The following FRYL variants were observed in gnomAD, a reference collection of about 807,000 sequenced individuals.
The protein encoded by FRYL is FRY like transcription coactivator.
In FRYL, 150 loss-of-function variants were observed where a neutral mutation model predicts 351.2. That is an observed-to-expected ratio of 0.43 (90% CI 0.37 to 0.49). FRYL has a LOEUF of 0.49. FRYL is among the 20% of genes least tolerant of loss of function. FRYL has a pLI of 0.00. For missense variants in FRYL, 3,036 were observed against 3,619.3 expected (o/e 0.84, Z 4.13); for synonymous variants, 1,153 against 1,257.1 (o/e 0.92, Z 1.75).
chr4:48,578,901 A>G, intron 23 of FRYL, 72 bp downstream of exon 23: 2 of 1,359,174 alleles, frequency 1.5e-6, no homozygotes, highest in Non-Finnish European at 2.0e-6. Context: ...ATACTTTTGA[A>G]TTTTTCAAAT....
Position 48,563,883 on chromosome 4 carries a change from C to A in FRYL, c.3596+65G>T, listed in dbSNP as rs970639173. 1.4e-5 allele frequency: 22 copies of A among 1,541,100 alleles called. No individual in the cohort carries two copies. In the Admixed American group the frequency reaches 4.0e-4, roughly 28 times the overall value. On this transcript the variant is annotated intron_variant, in intron 31 of 63. Transcript: ENST00000358350. ...ACTGGTGTCTTCCTATTTTTGAATT[C>A]AAAAGAAAAACTTTTCTTTAAGAAA...
At chr4:48,726,215 C>G (rs879866656) in intron 1 of FRYL, among the ~76,000 whole-genome samples, 1 of 152,146 alleles carries the variant, frequency 6.6e-6, no homozygotes, top group African/African-American at 2.4e-5. Flanking sequence ...CAAGAAAACA[C>G]GAAGCAAGTA....
intron 3 of FRYL, among the ~76,000 whole-genome samples, chr4:48,674,587 A>T (rs545891225): frequency 1.3e-5 from 2 of 151,944 alleles, no homozygotes; most frequent in South Asian, 4.2e-4. Flanking sequence ...AATACAAAAA[A>T]TTAGCCGGGC....
At chr4:48,529,258 T>C (rs541810422) in intron 50 of FRYL, among the ~76,000 whole-genome samples, 2 of 152,322 alleles carry the variant, frequency 1.3e-5, no homozygotes, top group South Asian at 4.1e-4. Flanking sequence ...CTTACCATGC[T>C]GACTGTAAAC....
At chr4:48,639,858 T>C (rs1754988949) in intron 3 of FRYL, among the ~76,000 whole-genome samples, 1 of 152,096 alleles carries the variant, frequency 6.6e-6, no homozygotes, top group Admixed American at 6.6e-5. Flanking sequence ...CCAGATTTAA[T>C]ACACCTTACC....
intron 24 of FRYL, 65 bp downstream of exon 24, chr4:48,575,965 T>A: frequency 1.5e-6 from 2 of 1,327,846 alleles, no homozygotes; most frequent in South Asian, 1.7e-5. Flanking sequence ...AAAGAAATTT[T>A]AAAATCTTAT....
intron 59 of FRYL, among the ~76,000 whole-genome samples, chr4:48,507,480 C>T (rs938646314): frequency 2.0e-5 from 3 of 151,874 alleles, no homozygotes; most frequent in African/African-American, 7.3e-5. Context: ...AAGACCAATC[C>T]TGCAAGGACA....
intron 29 of FRYL, among the ~76,000 whole-genome samples, 192 bp downstream of exon 29, chr4:48,565,339 A>T (rs1736534810): frequency 6.6e-6 from 1 of 152,168 alleles, no homozygotes; most frequent in African/African-American, 2.4e-5. Flanking sequence ...TGGTGATCAA[A>T]TTTGAGTAGA....
chr4:48,770,406 A>T (rs1775390884), intron 1 of FRYL, among the ~76,000 whole-genome samples: 1 of 151,944 alleles, frequency 6.6e-6, no homozygotes, highest in South Asian at 2.1e-4. Flanking sequence ...TCCTTATCAC[A>T]TTTTTTTGTT....
In FRYL at chr4:48,516,706, A is replaced by G. The variant is rs59726717; in HGVS notation, c.7690-1431T>C. 2.8e-3 allele frequency among the ~76,000 whole-genome samples: 431 copies of G among 152,352 alleles called. 1 individual carries two copies. The highest frequency in any genetic ancestry group is 9.9e-3 in the African/African-American group (412 of 41,584). On this transcript the variant is annotated intron_variant, in intron 55 of 63. Coordinates refer to ENST00000358350, the MANE Select transcript of FRYL (RefSeq NM_015030.2). ...TAGATTCTGGGCTGAGTGCTCTGGT[A>G]TAAATAATTCCTAACTGCAAATAGT...
At chr4:48,707,072 C>G (rs1288207592) in intron 2 of FRYL, among the ~76,000 whole-genome samples, 1 of 152,140 alleles carries the variant, frequency 6.6e-6, no homozygotes, top group African/African-American at 2.4e-5. Context: ...TGTTAAGCCA[C>G]TAAGTTTCAG....
chr4:48,632,562 C>CTA (rs1026617796), intron 4 of FRYL, among the ~76,000 whole-genome samples: 2 of 150,172 alleles, frequency 1.3e-5, no homozygotes, highest in Non-Finnish European at 3.0e-5. Flanking sequence ...TATATGCTGT[C>CTA]TATATATATA....
chr4:48,620,616 A>G (rs1560731055), intron 6 of FRYL, 23 bp downstream of exon 6: 2 of 1,591,866 alleles, frequency 1.3e-6, no homozygotes, highest in South Asian at 1.1e-5. Flanking sequence ...TCCAGGTGAA[A>G]CAGTGTAAAA....
At chr4:48,602,825 C>T (rs1055496692) in intron 12 of FRYL, among the ~76,000 whole-genome samples, 1 of 152,144 alleles carries the variant, frequency 6.6e-6, no homozygotes, top group African/African-American at 2.4e-5. Context: ...CATATTTTTA[C>T]TGTACCTTCT....
At chr4:48,609,125 T>C in intron 8 of FRYL, 58 bp from the exon 9 acceptor site, 2 of 1,080,300 alleles carry the variant, frequency 1.9e-6, no homozygotes, top group Non-Finnish European at 2.8e-6. Context: ...AAACTCTCTT[T>C]CCTAATACAT....
chr4:48,694,350 T>G (rs1765949632), intron 2 of FRYL, among the ~76,000 whole-genome samples: 1 of 152,070 alleles, frequency 6.6e-6, no homozygotes, highest in African/African-American at 2.4e-5. Flanking sequence ...CAGGCTGCAA[T>G]GGAATGGCGC....
At chr4:48,610,446 T>C (rs1051078310) in intron 7 of FRYL, among the ~76,000 whole-genome samples, 100 of 151,934 alleles carry the variant, frequency 6.6e-4, no homozygotes, top group African/African-American at 2.3e-3. Context: ...GACTTTTTCC[T>C]ACACATCCTC....
chr4:48,600,046 G>A (rs1300367990), intron 13 of FRYL, among the ~76,000 whole-genome samples: 1 of 151,908 alleles, frequency 6.6e-6, no homozygotes, highest in Non-Finnish European at 1.5e-5. Flanking sequence ...GGTGAAGCCT[G>A]CAGTGAGCCG....
intron 1 of FRYL, among the ~76,000 whole-genome samples, chr4:48,776,615 G>C (rs1459587369): frequency 6.6e-6 from 1 of 152,120 alleles, no homozygotes; most frequent in African/African-American, 2.4e-5. Context: ...GGATTTTACA[G>C]GAGCAAAAAC....
Sources: gnomAD v4.1 joint callset for allele counts (sites outside exome capture counted in the v4.1 genomes callset) on GRCh38, gnomAD v4.1.1 for gene constraint, MANE v1.5 for transcripts, NCBI Gene and HGNC (gene_info 2026-07-23, HGNC 2026-07-21) for gene names.